PAPPA: variants seen among roughly 807,000 people sequenced by gnomAD.
PAPPA encodes pappalysin 1, also known as pappalysin-1.
PAPPA carries 60 observed loss-of-function variants against 164.0 expected under a neutral mutation model. The observed-to-expected ratio is 0.37, with a 90% confidence interval of 0.30 to 0.45. The LOEUF is 0.45. Ranked by LOEUF, PAPPA falls within the 20% of genes least tolerant of loss-of-function variation. The pLI, the probability that PAPPA is intolerant of heterozygous loss-of-function variation, is 1.00. For synonymous variants in PAPPA, 875 were observed against 814.1 expected, an observed-to-expected ratio of 1.07 and a Z score of -1.27; for missense variants, 1,782 against 2,087.3, an observed-to-expected ratio of 0.85 and a Z score of 2.85.
At chr9:116,331,921 C>T (rs1178643440) in intron 11 of PAPPA, among the ~76,000 whole-genome samples, 2 of 152,130 alleles carry the variant, frequency 1.3e-5, no homozygotes, top group Non-Finnish European at 2.9e-5. Flanking sequence ...CAGTATGCAC[C>T]TTTTTTTGTG....
At chr9:116,371,378 C>G (rs773815808) in intron 19 of PAPPA, among the ~76,000 whole-genome samples, 9 of 152,172 alleles carry the variant, frequency 5.9e-5, no homozygotes, top group Non-Finnish European at 1.3e-4. Flanking sequence ...GATTGTGCCA[C>G]TGCATTCCAG....
At chr9:116,169,350 C>T (rs1161945455) in intron 1 of PAPPA, among the ~76,000 whole-genome samples, 3 of 50,266 alleles carry the variant, frequency 6.0e-5, no homozygotes, top group African/African-American at 9.2e-5. Context: ...GATGGAGTCT[C>T]ACTCTGTCAC....
At position 116,332,348 on chromosome 9, in the gene PAPPA, C is replaced by A. The variant is rs755070797; in HGVS notation, c.3277C>A (p.Pro1093Thr). ...TFWLRAYFSQ[P>T]MVAAAVIVHL... ...ACAATTTCAGGCGTATTTTTCTCAA[C>A]CAATGGTTGCCGCAGCTGTCATTGT... The change falls in exon 12 of 22, where the codon CCA becomes ACA. Residue 1093 changes from proline (P) to threonine (T), a missense_variant. Transcript: ENST00000328252. The A allele has an allele frequency of 6.2e-7, 1 of 1,613,478 alleles. No individual in the cohort carries two copies. Among genetic ancestry groups the A allele is most frequent in the African/African-American group, 1.3e-5 (1 of 74,924 alleles).
At position 116,257,656 on chromosome 9, in the gene PAPPA, C is replaced by A. The variant is rs753511895; in HGVS notation, c.2733-8201C>A. Among the ~76,000 whole-genome samples the A allele has an allele frequency of 6.6e-4, 100 of 151,926 alleles. 2 individuals are homozygous for A. The highest frequency in any genetic ancestry group is 1.5e-4 in the Non-Finnish European group (10 of 68,002). On this transcript the variant is annotated intron_variant, in intron 7 of 21. Transcript: ENST00000328252. ...CGCGGAGCTTGCAGTGAGCCGAGAT[C>A]GCGCCACTGCACTCCAGCCTGGGCG...
Position 116,227,491 on chromosome 9 carries a change from C to T in PAPPA, c.2172C>T (p.Ser724=), listed in dbSNP as rs746603573. 1 of 1,614,082 alleles carries T rather than the reference C, an allele frequency of 6.2e-7. No individual in the cohort carries two copies. Among genetic ancestry groups the T allele is most frequent in the South Asian group, 1.1e-5 (1 of 91,088 alleles). The change falls in exon 6 of 22, where the codon TCC becomes TCT. Residue 724 remains serine (S), a synonymous_variant. Coordinates refer to ENST00000328252, the MANE Select transcript of PAPPA (RefSeq NM_002581.5). ...LEGRILVQYA[S]NASSPMPCSP... ...GGAGAATCCTGGTGCAGTATGCTTC[C>T]AACGCTTCCTCCCCAATGCCCTGCA... is the stretch of plus-strand genomic sequence containing the variant.
intron 2 of PAPPA, among the ~76,000 whole-genome samples, chr9:116,195,679 T>C (rs1023845441): frequency 6.6e-6 from 1 of 152,152 alleles, no homozygotes; most frequent in African/African-American, 2.4e-5. Flanking sequence ...AAATAGCAGT[T>C]GTTATTGCTG....
At chr9:116,295,516 T>C (rs1269249857) in intron 9 of PAPPA, among the ~76,000 whole-genome samples, 1 of 140,610 alleles carries the variant, frequency 7.1e-6, no homozygotes, top group Non-Finnish European at 1.5e-5. Context: ...ATCGCACCAT[T>C]GCATTCCAGC....
At chr9:116,299,116 C>T (rs1029427437) in intron 9 of PAPPA, among the ~76,000 whole-genome samples, 12 of 152,124 alleles carry the variant, frequency 7.9e-5, no homozygotes, top group Admixed American at 2.0e-4. Flanking sequence ...GAAGGGCCCC[C>T]GGGACACTAA....
In PAPPA at chr9:116,257,563, A is replaced by G. The variant is rs543911892; in HGVS notation, c.2733-8294A>G. On this transcript the variant is annotated intron_variant, in intron 7 of 21. Transcript: ENST00000328252. ...AAAAATACAAAAAAATTAGTGGGGC[A>G]TGGTGGCGGGCGCCTGTAGTCCCAG... Among the ~76,000 whole-genome samples the G allele has an allele frequency of 3.3e-5, 5 of 152,028 alleles. No homozygotes were observed. The South Asian group carries it at 8.4e-4, about 25-fold the overall frequency.
In PAPPA at chr9:116,333,904, A is replaced by G. The variant is rs1036613808; in HGVS notation, c.3398-957A>G. Among the ~76,000 whole-genome samples the G allele has an allele frequency of 3.3e-5, 5 of 152,020 alleles. No homozygotes were observed. In the South Asian group the frequency reaches 1.0e-3, roughly 31 times the overall value. On this transcript the variant is annotated intron_variant, in intron 12 of 21. Coordinates refer to ENST00000328252, the MANE Select transcript of PAPPA (RefSeq NM_002581.5). ...CTTCCTCAGTCTATGACATCCCAGC[A>G]TTCTCCGAGGCAGCTTCACCTCTGG...
intron 10 of PAPPA, among the ~76,000 whole-genome samples, chr9:116,312,113 G>T (rs971218953): frequency 1.3e-5 from 2 of 151,992 alleles, no homozygotes; most frequent in African/African-American, 4.8e-5. Flanking sequence ...AGATTCCTTG[G>T]CCTCTGTCTT....
At chr9:116,320,144 C>G (rs1029522710) in intron 10 of PAPPA, among the ~76,000 whole-genome samples, 2 of 152,204 alleles carry the variant, frequency 1.3e-5, no homozygotes, top group African/African-American at 4.8e-5. Flanking sequence ...GGCAATACGT[C>G]TTATATGATT....
At chr9:116,203,946 C>A (rs145039299) in intron 2 of PAPPA, among the ~76,000 whole-genome samples, 6 of 152,048 alleles carry the variant, frequency 3.9e-5, no homozygotes, top group Non-Finnish European at 8.8e-5. Context: ...AGAACTTGAG[C>A]GGTTGAGGTT....
intron 10 of PAPPA, among the ~76,000 whole-genome samples, chr9:116,320,652 A>C (rs1163564120): frequency 1.3e-5 from 2 of 152,028 alleles, no homozygotes; most frequent in African/African-American, 4.8e-5. Context: ...GGAAAGTGAT[A>C]ATTGTTTCTA....
intron 21 of PAPPA, 99 bp downstream of exon 21, chr9:116,382,592 C>A: frequency 1.3e-6 from 1 of 790,692 alleles, no homozygotes; most frequent in South Asian, 1.4e-5. Flanking sequence ...CTTGTCCTAA[C>A]TCTGCCAGCA....
chr9:116,302,996 C>T (rs762564551), intron 10 of PAPPA, 46 bp downstream of exon 10: 1 of 1,534,450 alleles, frequency 6.5e-7, no homozygotes, highest in Non-Finnish European at 9.0e-7. Flanking sequence ...CATTCAAAGT[C>T]TCCGCTATGC....
chr9:116,305,056 A>AACAC (rs147736582), intron 10 of PAPPA, among the ~76,000 whole-genome samples: 2 of 143,822 alleles, frequency 1.4e-5, no homozygotes, highest in Non-Finnish European at 3.1e-5. Context: ...GTCATTCACA[A>AACAC]ACACACACAC....
At chr9:116,381,451 T>C (rs935718766) in intron 20 of PAPPA, among the ~76,000 whole-genome samples, 2 of 152,130 alleles carry the variant, frequency 1.3e-5, no homozygotes, top group Admixed American at 1.3e-4. Flanking sequence ...GACCACAGAA[T>C]ACAATGTGCT....
intron 7 of PAPPA, among the ~76,000 whole-genome samples, chr9:116,254,045 G>A (rs1844892452): frequency 6.6e-6 from 1 of 152,060 alleles, no homozygotes; most frequent in African/African-American, 2.4e-5. Flanking sequence ...GATGACTTCT[G>A]ACTTTCTCCA....
Sources: gnomAD v4.1 joint callset for allele counts (sites outside exome capture counted in the v4.1 genomes callset) on GRCh38, gnomAD v4.1.1 for gene constraint, MANE v1.5 for transcripts, NCBI Gene and HGNC (gene_info 2026-07-23, HGNC 2026-07-21) for gene names.